Variants in SIDT2 observed in about 807,000 individuals in gnomAD.
SIDT2 encodes SID1 transmembrane family, member 2.
A neutral mutation model predicts 114.4 loss-of-function variants in SIDT2; 68 were observed. That is an observed-to-expected ratio of 0.59 (90% CI 0.49 to 0.73). The LOEUF is 0.73. Among genes scored for constraint, SIDT2 ranks in the 30% least tolerant of loss-of-function variants. The probability of loss-of-function intolerance (pLI) is 0.00; values close to 1 mark genes in which losing one functional copy is unlikely to be tolerated. For synonymous variants in SIDT2, 470 were observed against 438.4 expected, an observed-to-expected ratio of 1.07 and a Z score of -0.90; for missense variants, 918 against 1,097.1, an observed-to-expected ratio of 0.84 and a Z score of 2.31.
rs150146835 is a variant in SIDT2 at position 117,192,992 on chromosome 11, T to G, written c.2105+126T>G. ...CATAAGACATGGGGGCTAAGAGAGA[T>G]CTTGGCCTCTCTTCTCTCTCTTGGC... On this transcript the variant is annotated intron_variant, in intron 22 of 25. Coordinates refer to ENST00000324225, the MANE Select transcript of SIDT2 (RefSeq NM_001040455.2). The surrounding 1 kb of genome is among the most constrained non-coding windows in gnomAD (Gnocchi z 5.9). 6.5e-5 allele frequency: 88 copies of G among 1,362,238 alleles called. No individual in the cohort carries two copies. The African/African-American group carries it at 1.2e-3, about 18-fold the overall frequency. 84.4% of individuals were successfully genotyped at this position (1,362,238 alleles called of 1,614,324 possible).
At position 117,179,126 on chromosome 11, in the gene SIDT2, C is replaced by G. The variant is rs745660408; in HGVS notation, c.-138C>G. The G allele has an allele frequency of 4.8e-6, 4 of 831,300 alleles. No individual in the cohort carries two copies. In the African/African-American group the frequency reaches 6.9e-5, roughly 14 times the overall value. 51.5% of individuals were successfully genotyped at this position (831,300 alleles called of 1,614,324 possible). ...CTCTTGGGAGGGGACATTTCCTAATCTCAGGCCGGGGTTAAAGTTCTGGTC... is the reference window on the plus strand; with the variant it reads ...CTCTTGGGAGGGGACATTTCCTAATGTCAGGCCGGGGTTAAAGTTCTGGTC... On this transcript the variant is annotated 5_prime_UTR_variant, in exon 1 of 26. In the 5' UTR this introduces an upstream ATG that the reference lacks. Coordinates refer to ENST00000324225, the MANE Select transcript of SIDT2 (RefSeq NM_001040455.2).
At chr11:117,180,448 GA>G (rs2030236926) in intron 1 of SIDT2, among the ~76,000 whole-genome samples, 1 of 151,504 alleles carries the variant, frequency 6.6e-6, no homozygotes, top group Non-Finnish European at 1.5e-5. Flanking sequence ...AGCATTCCAA[GA>G]TCGATTTGGT....
At chr11:117,189,733 A>C (rs1346428825) in intron 15 of SIDT2, 1 of 604,710 alleles carries the variant, frequency 1.7e-6, no homozygotes, top group Admixed American at 2.9e-5. Context: ...CATCACGGTC[A>C]TGCCTCAGGG....
chr11:117,187,630 A>G lies in SIDT2; in HGVS notation c.1090A>G (p.Asn364Asp), dbSNP rs1322458417. The G allele has an allele frequency of 6.2e-7, 1 of 1,613,816 alleles. No individual in the cohort carries two copies. Among genetic ancestry groups the G allele is most frequent in the Non-Finnish European group, 8.5e-7 (1 of 1,179,990 alleles). The change falls in exon 12 of 26, where the codon AAT becomes GAT. Residue 364 changes from asparagine to aspartate, a missense_variant and splice_region_variant. Around this residue, in one of 4 missense-constraint regions of SIDT2, gnomAD observed 553 missense variants for 600.1 expected, o/e 0.92. Transcript: ENST00000324225. ...TCACCACTGATCGTTCCCCACAGAG[A>G]ATGTTTCTGGATCTACCGATGGTCT... ...YEGYNYGSFE[N>D]VSGSTDGLVD...
chr11:117,194,214 C>CG (rs2030807886), intron 24 of SIDT2: 1 of 365,028 alleles, frequency 2.7e-6, no homozygotes, highest in Non-Finnish European at 5.0e-6. Context: ...ACCTCGGAAG[C>CG]GGAGGCAAGA....
Position 117,182,263 on chromosome 11 carries a change from C to T in SIDT2, c.516+158C>T, listed in dbSNP as rs532866914. ...GCTCTGGCCCTGACATGGTGAGGGA[C>T]AGACAGCATGGGACTGTACAGAGAC... On this transcript the variant is annotated intron_variant, in intron 4 of 25. Transcript: ENST00000324225. 4.6e-5 allele frequency: 40 copies of T among 866,748 alleles called. No homozygotes were observed. The African/African-American group carries it at 6.2e-4, about 14-fold the overall frequency. The allele number at this position is 866,748 out of a possible 1,614,324, so 53.7% of individuals were successfully genotyped here.
intron 10 of SIDT2, chr11:117,187,051 G>T (rs768236957): frequency 2.7e-4 from 397 of 1,458,774 alleles, no homozygotes; most frequent in Non-Finnish European, 3.3e-4. Context: ...GAGTAGGGGA[G>T]GGAGGGTGCA....
chr11:117,183,968 CCTGATAGGA>C (rs2030398267), intron 7 of SIDT2, 90 bp downstream of exon 7: 3 of 1,503,686 alleles, frequency 2.0e-6, no homozygotes, highest in Non-Finnish European at 2.8e-6. Flanking sequence ...GATTGGTGGA[CCTGATAGGA>C]CATGGGTTTT....
chr11:117,194,144 T>G, intron 24 of SIDT2, 181 bp downstream of exon 24: 1 of 522,642 alleles, frequency 1.9e-6, no homozygotes, highest in Non-Finnish European at 3.4e-6. Context: ...CTACAAAAAA[T>G]AAAAAAATAA....
chr11:117,192,081 G>C lies in SIDT2; in HGVS notation c.1872+67G>C. 1 of 1,602,902 alleles carries C rather than the reference G, an allele frequency of 6.2e-7. No homozygotes were observed. The highest frequency in any genetic ancestry group is 8.5e-7 in the Non-Finnish European group (1 of 1,172,762). On this transcript the variant is annotated intron_variant, in intron 19 of 25. Coordinates refer to ENST00000324225, the MANE Select transcript of SIDT2 (RefSeq NM_001040455.2). The surrounding 1 kb of genome is among the most constrained non-coding windows in gnomAD (Gnocchi z 5.9). ...AGGTGCACGTGCGTTCAGACACGTA[G>C]TGCACACCCTCCGCCACCTCCTGCA...
chr11:117,188,590 A>G lies in SIDT2; in HGVS notation c.1160-118A>G. The G allele has an allele frequency of 1.3e-6, 1 of 748,412 alleles. No individual in the cohort carries two copies. Among genetic ancestry groups the G allele is most frequent in the Non-Finnish European group, 2.3e-6 (1 of 427,300 alleles). 46.4% of individuals were successfully genotyped at this position (748,412 alleles called of 1,614,324 possible). On this transcript the variant is annotated intron_variant, in intron 12 of 25. Coordinates refer to ENST00000324225, the MANE Select transcript of SIDT2 (RefSeq NM_001040455.2). The surrounding 1 kb of genome is among the most constrained non-coding windows in gnomAD (Gnocchi z 4.0). ...CACTTCCACCCCAACTCTGAGGCCCAGCCCACAATTTGCCTCTTCCCTACT... is the reference window on the plus strand; with the variant it reads ...CACTTCCACCCCAACTCTGAGGCCCGGCCCACAATTTGCCTCTTCCCTACT...
In SIDT2 at chr11:117,190,585, AC is replaced by A; in HGVS notation, c.1618-37del. On this transcript the variant is annotated intron_variant, in intron 17 of 25. Coordinates refer to ENST00000324225, the MANE Select transcript of SIDT2 (RefSeq NM_001040455.2). The surrounding 1 kb of genome is among the most constrained non-coding windows in gnomAD (Gnocchi z 4.1). ...GGGTCCCTTCTTCCCTTCCTGCCTCACTTCCTCCCTCCCTTCCCTTCTCTCT... is the reference window on the plus strand; with the variant it reads ...GGGTCCCTTCTTCCCTTCCTGCCTCATTCCTCCCTCCCTTCCCTTCTCTCT... 1 of 1,502,516 alleles carries A rather than the reference AC, an allele frequency of 6.7e-7. No homozygotes were observed. The highest frequency in any genetic ancestry group is 9.1e-7 in the Non-Finnish European group (1 of 1,104,338). The allele number at this position is 1,502,516 out of a possible 1,614,324, so 93.1% of individuals were successfully genotyped here.
At chr11:117,185,871 CAAAAA>C (rs34117588) in intron 8 of SIDT2, 107 of 180,468 alleles carry the variant, frequency 5.9e-4, no homozygotes, top group South Asian at 1.6e-3. Flanking sequence ...GAGCCCGTCT[CAAAAA>C]AAAAAAAAAA....
chr11:117,185,618 C>T (rs948614338), intron 8 of SIDT2, among the ~76,000 whole-genome samples: 1 of 152,100 alleles, frequency 6.6e-6, no homozygotes, highest in African/African-American at 2.4e-5. Context: ...TGGCTCACGC[C>T]TATAATCCCA....
At chr11:117,185,926 A>C in intron 8 of SIDT2, 1 of 484,420 alleles carries the variant, frequency 2.1e-6, no homozygotes, top group Non-Finnish European at 3.7e-6. Context: ...CCAGGGAGCA[A>C]CATGAGCAAA....
At chr11:117,187,327 C>G in intron 10 of SIDT2, 51 bp from the exon 11 acceptor site, 1 of 1,546,964 alleles carries the variant, frequency 6.5e-7, no homozygotes, top group South Asian at 1.1e-5. Context: ...CTCCCTGGCT[C>G]TAGGCCTCTC....
chr11:117,192,697 C>T lies in SIDT2; in HGVS notation c.2058+47C>T. 2 of 1,612,762 alleles carry T rather than the reference C, an allele frequency of 1.2e-6. No homozygotes were observed. Among genetic ancestry groups the T allele is most frequent in the Non-Finnish European group, 1.7e-6 (2 of 1,179,544 alleles). ...TCCATTCTCCACATCTCCTTTCTTC[C>T]CTCTGATGGGGGAGTGGGGCTGGGC... On this transcript the variant is annotated intron_variant, in intron 21 of 25. Transcript: ENST00000324225. The surrounding 1 kb of genome is among the most constrained non-coding windows in gnomAD (Gnocchi z 5.9).
intron 5 of SIDT2, 43 bp from the exon 6 acceptor site, chr11:117,182,680 C>A: frequency 6.2e-7 from 1 of 1,614,008 alleles, no homozygotes; most frequent in Non-Finnish European, 8.5e-7. Flanking sequence ...AAGAGAGGGG[C>A]AGGCCAGGTT....
chr11:117,190,419 C>A lies in SIDT2; in HGVS notation c.1617+130C>A. Reference sequence around the variant, plus strand: ...CTCTCCCCTCCCCAGTTCTGTCTGGCCCACCCTATCCAGCCCAGCCTGCCC... The same window carrying A: ...CTCTCCCCTCCCCAGTTCTGTCTGGACCACCCTATCCAGCCCAGCCTGCCC... On this transcript the variant is annotated intron_variant, in intron 17 of 25. Coordinates refer to ENST00000324225, the MANE Select transcript of SIDT2 (RefSeq NM_001040455.2). This position sits in a 1 kb window ranked among gnomAD's most constrained non-coding sequence, Gnocchi z 4.1. 7.0e-7 allele frequency: 1 copy of A among 1,418,532 alleles called. No homozygotes were observed. The highest frequency in any genetic ancestry group is 9.3e-7 in the Non-Finnish European group (1 of 1,070,822). 87.9% of individuals were successfully genotyped at this position (1,418,532 alleles called of 1,614,324 possible). A position where few individuals can be genotyped will look rare whatever the true frequency, so the allele number is the denominator to read the frequency against.
Sources: gnomAD v4.1 joint callset for allele counts (sites outside exome capture counted in the v4.1 genomes callset) on GRCh38, gnomAD v4.1.1 for gene constraint, gnomAD v4.1.1 regional missense constraint, Gnocchi (gnomAD v3.1) non-coding constraint, MANE v1.5 for transcripts, NCBI Gene and HGNC (gene_info 2026-07-23, HGNC 2026-07-21) for gene names.